The following ITPR1 variants were observed in gnomAD, a reference collection of about 807,000 sequenced individuals.
ITPR1 encodes inositol 1,4,5-trisphosphate receptor type 1.
Under a neutral mutation model 318.4 loss-of-function variants are expected in ITPR1, and 96 were observed. The ratio of observed to expected loss-of-function variants is 0.30; its 90% confidence interval spans 0.26 to 0.36. The LOEUF (loss-of-function observed/expected upper bound fraction) is 0.36, where lower values mean the gene tolerates loss of function less well. Ranked by LOEUF, ITPR1 falls within the 10% of genes least tolerant of loss-of-function variation. The pLI, the probability that ITPR1 is intolerant of heterozygous loss-of-function variation, is 1.00. For missense variants in ITPR1, 2,440 were observed against 3,460.2 expected (o/e 0.71, Z 7.40); for synonymous variants, 1,312 against 1,289.9 (o/e 1.02, Z -0.37).
intron 43 of ITPR1, among the ~76,000 whole-genome samples, chr3:4,734,732 T>C (rs1267932353): frequency 2.0e-5 from 3 of 152,160 alleles, no homozygotes. Context: ...GGGGTTAGAG[T>C]AGGCTTGTTA....
At chr3:4,633,955 T>C (rs1345141674) in intron 5 of ITPR1, among the ~76,000 whole-genome samples, 1 of 152,216 alleles carries the variant, frequency 6.6e-6, no homozygotes, top group Non-Finnish European at 1.5e-5. Context: ...CTTTCCTTAC[T>C]GTTTCAGTCA....
At chr3:4,838,767 G>C (rs544630761) in intron 61 of ITPR1, among the ~76,000 whole-genome samples, 1 of 152,286 alleles carries the variant, frequency 6.6e-6, no homozygotes, top group East Asian at 1.9e-4. Flanking sequence ...GAGGCTCTTT[G>C]GGGGTATGTT....
chr3:4,508,081 G>A (rs2081519815), intron 2 of ITPR1, among the ~76,000 whole-genome samples: 1 of 152,128 alleles, frequency 6.6e-6, no homozygotes, highest in Non-Finnish European at 1.5e-5. Flanking sequence ...GCGAGGGGTT[G>A]CAGGCAGGCA....
chr3:4,726,940 G>A (rs961114027), intron 41 of ITPR1, among the ~76,000 whole-genome samples, 186 bp from the exon 42 acceptor site: 25 of 152,138 alleles, frequency 1.6e-4, no homozygotes, highest in African/African-American at 4.8e-4. Flanking sequence ...TGGGACAGTC[G>A]TTAAGCAGCA....
At chr3:4,759,736 G>A (rs569344927) in intron 44 of ITPR1, among the ~76,000 whole-genome samples, 25 of 152,322 alleles carry the variant, frequency 1.6e-4, no homozygotes, top group African/African-American at 5.1e-4. Context: ...AGAGGAGCAC[G>A]TTACCCTGCT....
chr3:4,732,051 A>G (rs2042963690), intron 42 of ITPR1, among the ~76,000 whole-genome samples: 1 of 152,174 alleles, frequency 6.6e-6, no homozygotes, highest in Non-Finnish European at 1.5e-5. Context: ...AAAGGAGTCC[A>G]GGGAAAATTT....
At chr3:4,830,983 C>T (rs761944166) in intron 60 of ITPR1, 25 of 456,442 alleles carry the variant, frequency 5.5e-5, no homozygotes, top group South Asian at 1.5e-4. Context: ...ATTGATTACT[C>T]GGTAGTCTTT....
intron 40 of ITPR1, among the ~76,000 whole-genome samples, chr3:4,723,796 A>C (rs1361813102): frequency 6.6e-6 from 1 of 152,076 alleles, no homozygotes; most frequent in Admixed American, 6.6e-5. Flanking sequence ...ATCAGTATAA[A>C]GGATGCTGTA....
intron 40 of ITPR1, among the ~76,000 whole-genome samples, chr3:4,720,646 C>G (rs1575004302): frequency 6.6e-6 from 1 of 152,182 alleles, no homozygotes; most frequent in Admixed American, 6.5e-5. Flanking sequence ...TTGGTGCCAG[C>G]TAGCAACTTT....
intron 5 of ITPR1, among the ~76,000 whole-genome samples, chr3:4,635,105 T>G (rs1461165677): frequency 6.6e-6 from 1 of 152,198 alleles, no homozygotes; most frequent in East Asian, 1.9e-4. Context: ...TCATTTTAGA[T>G]AAGCAGCCTC....
chr3:4,548,371 G>A (rs1451704416), intron 4 of ITPR1, among the ~76,000 whole-genome samples: 1 of 152,140 alleles, frequency 6.6e-6, no homozygotes, highest in Non-Finnish European at 1.5e-5. Context: ...GTGAAAAGGG[G>A]TGTGCGTGTG....
At chr3:4,657,457 C>G (rs865996500) in intron 12 of ITPR1, among the ~76,000 whole-genome samples, 1 of 146,312 alleles carries the variant, frequency 6.8e-6, no homozygotes, top group South Asian at 2.1e-4. Flanking sequence ...TGTAACTGCA[C>G]GTTTTTGAAA....
In ITPR1 at chr3:4,577,930, A is replaced by G. The variant is rs144153690; in HGVS notation, c.164-49833A>G. Among the ~76,000 whole-genome samples the G allele has an allele frequency of 1.1e-3, 160 of 152,256 alleles. 1 individual carries two copies. Among genetic ancestry groups the G allele is most frequent in the Middle Eastern group, 3.4e-3 (1 of 294 alleles). The stretch of plus-strand genomic sequence containing the variant: ...TCTTGTTCTGCTCTCCCCCACCTCA[A>G]TCTTACATTACTGCATAAGTTGGCA... On this transcript the variant is annotated intron_variant, in intron 4 of 61. Transcript: ENST00000649015.
At chr3:4,534,804 A>G (rs2083712059) in intron 4 of ITPR1, among the ~76,000 whole-genome samples, 1 of 152,162 alleles carries the variant, frequency 6.6e-6, no homozygotes. Context: ...TTCTGTGACT[A>G]AGGTCCTCTC....
At position 4,710,673 on chromosome 3, in the gene ITPR1, G is replaced by GT. The variant is rs2041289360; in HGVS notation, c.4991+204dup. Among the ~76,000 whole-genome samples, 1 of 151,986 alleles carries GT rather than the reference G, an allele frequency of 6.6e-6. No individual in the cohort carries two copies. Among genetic ancestry groups the GT allele is most frequent in the Non-Finnish European group, 1.5e-5 (1 of 67,978 alleles). On this transcript the variant is annotated intron_variant, in intron 38 of 61. Coordinates refer to ENST00000649015, the MANE Select transcript of ITPR1 (RefSeq NM_001378452.1). This position sits in a 1 kb window ranked among gnomAD's most constrained non-coding sequence, Gnocchi z 4.2. ...TACTGACACTTTTTTGTTTTGTTTTGTTTTGCTTTGTTTTTTGGTGAGAAG... is the reference window on the plus strand; with the variant it reads ...TACTGACACTTTTTTGTTTTGTTTTGTTTTTGCTTTGTTTTTTGGTGAGAAG...
chr3:4,523,148 G>T (rs778779168), intron 4 of ITPR1, among the ~76,000 whole-genome samples: 1 of 152,156 alleles, frequency 6.6e-6, no homozygotes, highest in African/African-American at 2.4e-5. Context: ...CAAGGGGAGG[G>T]ATATGCGTCC....
chr3:4,593,910 G>A lies in ITPR1; in HGVS notation c.164-33853G>A, dbSNP rs541338767. Among the ~76,000 whole-genome samples, 9 of 152,316 alleles carry A rather than the reference G, an allele frequency of 5.9e-5. No homozygotes were observed. In the South Asian group the frequency reaches 1.9e-3, roughly 32 times the overall value. ...CAATGAGAGCCTTTGATGATTTCTG[G>A]TTGGGAAAGGAGATGATCAACAGTG... On this transcript the variant is annotated intron_variant, in intron 4 of 61. Transcript: ENST00000649015.
intron 4 of ITPR1, among the ~76,000 whole-genome samples, chr3:4,612,321 T>C (rs10084763): frequency 0.92 from 138,932 of 151,808 alleles, 64,800 homozygotes; most frequent in East Asian, 1. Context: ...CTCGGCCTCC[T>C]AAAGTGCTAG....
At chr3:4,807,288 C>T (rs1033642569) in intron 55 of ITPR1, among the ~76,000 whole-genome samples, 17 of 152,126 alleles carry the variant, frequency 1.1e-4, no homozygotes, top group African/African-American at 3.9e-4. Flanking sequence ...GATCCTATTG[C>T]GTTTTCTTAA....
Sources: allele counts gnomAD v4.1 joint callset (sites outside exome capture counted in the v4.1 genomes callset), GRCh38; gene constraint gnomAD v4.1.1; non-coding constraint Gnocchi (gnomAD v3.1); transcripts MANE v1.5; gene names NCBI Gene and HGNC (gene_info 2026-07-23, HGNC 2026-07-21).